The following MRTFA variants were observed in gnomAD, a reference collection of about 807,000 sequenced individuals.
The protein encoded by MRTFA is myocardin related transcription factor A, also known as myocardin-related transcription factor A.
Under a neutral mutation model 83.5 loss-of-function variants are expected in MRTFA, and 20 were observed. That is an observed-to-expected ratio of 0.24 (90% CI 0.17 to 0.35). The LOEUF (loss-of-function observed/expected upper bound fraction) is 0.35. Among genes scored for constraint, MRTFA ranks in the 10% least tolerant of loss-of-function variants. MRTFA has a pLI of 1.00. For missense variants in MRTFA, 1,200 were observed against 1,224.7 expected (o/e 0.98, Z 0.30); for synonymous variants, 659 against 541.2 (o/e 1.22, Z -3.02).
intron 3 of MRTFA, among the ~76,000 whole-genome samples, chr22:40,545,434 T>C (rs1348806700): frequency 3.5e-5 from 5 of 141,582 alleles, no homozygotes; most frequent in Admixed American, 7.1e-5. Flanking sequence ...ACTGAATTCC[T>C]TTTTTTTTTT....
chr22:40,557,924 C>T (rs559629929), intron 2 of MRTFA, among the ~76,000 whole-genome samples: 10 of 152,226 alleles, frequency 6.6e-5, no homozygotes, highest in South Asian at 4.1e-4. Context: ...TAGGCATGCG[C>T]CACCAGGCCC....
chr22:40,594,004 G>A (rs2147382653), intron 2 of MRTFA, among the ~76,000 whole-genome samples: 1 of 152,354 alleles, frequency 6.6e-6, no homozygotes, highest in East Asian at 1.9e-4. Context: ...TTGCAGAGCT[G>A]CGTGAACTGC....
At chr22:40,428,574 C>T (rs375259367) in intron 7 of MRTFA, among the ~76,000 whole-genome samples, 1 of 152,188 alleles carries the variant, frequency 6.6e-6, no homozygotes, top group East Asian at 1.9e-4. Flanking sequence ...AGTGCAGTGG[C>T]ACAATCATAG....
chr22:40,615,632 T>A (rs1357178115), intron 1 of MRTFA, among the ~76,000 whole-genome samples: 1 of 152,150 alleles, frequency 6.6e-6, no homozygotes, highest in Non-Finnish European at 1.5e-5. Flanking sequence ...CTTCTTTAAC[T>A]TCTCTTGGCA....
rs762679692 is a variant in MRTFA at position 40,420,850 on chromosome 22, G to A, written c.1178C>T (p.Pro393Leu). 5 of 1,613,464 alleles carry A rather than the reference G, an allele frequency of 3.1e-6. No homozygotes were observed. Among genetic ancestry groups the A allele is most frequent in the East Asian group, 2.2e-5 (1 of 44,882 alleles). ...GCAGTGAGGAGCGGGTGCCTACTTT[G>A]GCGGGGCAGGCAGGATGGCCTGGTA... The change falls in exon 10 of 15, where the codon CCA (proline) becomes CTA (leucine). Residue 393 changes from proline (P) to leucine (L), a missense_variant. By Grantham distance (98) the Pro-to-Leu change is moderately conservative. Coordinates refer to ENST00000355630, the MANE Select transcript of MRTFA (RefSeq NM_020831.6).
chr22:40,574,046 G>A (rs1035989395), intron 2 of MRTFA, among the ~76,000 whole-genome samples: 2 of 152,024 alleles, frequency 1.3e-5, no homozygotes, highest in Admixed American at 1.3e-4. Context: ...CACTATGACA[G>A]GTCTCTGCAT....
intron 3 of MRTFA, among the ~76,000 whole-genome samples, chr22:40,516,922 T>A (rs1318883592): frequency 6.7e-6 from 1 of 149,132 alleles, no homozygotes; most frequent in Non-Finnish European, 1.5e-5. Flanking sequence ...AATTTTTTTC[T>A]TTTTTTTTTC....
chr22:40,600,054 G>A (rs1047291948), intron 1 of MRTFA, among the ~76,000 whole-genome samples: 1 of 150,198 alleles, frequency 6.7e-6, no homozygotes, highest in East Asian at 1.9e-4. Context: ...CCAGTTAAAG[G>A]AATAAACTGT....
intron 3 of MRTFA, among the ~76,000 whole-genome samples, chr22:40,496,985 T>C (rs1010846427): frequency 3.3e-5 from 5 of 152,186 alleles, no homozygotes; most frequent in Non-Finnish European, 7.4e-5. Context: ...GCTACACCCT[T>C]TGTTTTGTTT....
intron 2 of MRTFA, among the ~76,000 whole-genome samples, chr22:40,584,696 C>CT (rs1310198526): frequency 2.0e-5 from 3 of 147,966 alleles, no homozygotes; most frequent in East Asian, 4.0e-4. Context: ...CACCATTGCA[C>CT]TCCAACCTGG....
chr22:40,624,039 G>A (rs781284686), intron 1 of MRTFA, among the ~76,000 whole-genome samples: 6 of 152,194 alleles, frequency 3.9e-5, no homozygotes, highest in Non-Finnish European at 5.9e-5. Context: ...AGGACATAAA[G>A]GCTGTAGTGA....
chr22:40,460,120 T>G (rs547370471), intron 4 of MRTFA, among the ~76,000 whole-genome samples: 91 of 151,968 alleles, frequency 6.0e-4, no homozygotes, highest in Non-Finnish European at 1.1e-3. Flanking sequence ...AGACGGGGTT[T>G]CACCATGTTA....
At chr22:40,591,696 T>C (rs905607161) in intron 2 of MRTFA, among the ~76,000 whole-genome samples, 4 of 152,176 alleles carry the variant, frequency 2.6e-5, no homozygotes, top group Non-Finnish European at 5.9e-5. Flanking sequence ...AAATTATACC[T>C]CAAAGTTATT....
intron 6 of MRTFA, among the ~76,000 whole-genome samples, chr22:40,430,860 C>CAAAAAAAAAAAAAAAAAAAAAA (rs1171650702): frequency 2.8e-5 from 1 of 35,120 alleles, no homozygotes; most frequent in Non-Finnish European, 5.3e-5. Context: ...GACTCCATCA[C>CAAAAAAAAAAAAAAAAAAAAAA]AAAAAAAAAA....
chr22:40,467,111 A>G (rs1007820088), intron 3 of MRTFA, among the ~76,000 whole-genome samples: 4 of 152,182 alleles, frequency 2.6e-5, no homozygotes, highest in Non-Finnish European at 5.9e-5. Context: ...CCCTCCCAGG[A>G]GTTAACTTTG....
At chr22:40,582,591 A>G (rs921852741) in intron 2 of MRTFA, among the ~76,000 whole-genome samples, 12 of 152,146 alleles carry the variant, frequency 7.9e-5, no homozygotes, top group Middle Eastern at 3.4e-3. Flanking sequence ...TCTTATTCAT[A>G]GTCTAAAAAA....
chr22:40,449,340 A>G (rs2053445533), intron 4 of MRTFA, among the ~76,000 whole-genome samples: 1 of 152,024 alleles, frequency 6.6e-6, no homozygotes, highest in Non-Finnish European at 1.5e-5. Flanking sequence ...TCATGGGGAC[A>G]GGGCAATCTT....
intron 2 of MRTFA, among the ~76,000 whole-genome samples, chr22:40,583,535 G>A (rs1216959789): frequency 6.6e-6 from 1 of 152,284 alleles, no homozygotes; most frequent in African/African-American, 2.4e-5. Flanking sequence ...CTAGGTCAGG[G>A]GTTCCCAACC....
chr22:40,452,887 C>T (rs1228388424), intron 4 of MRTFA, among the ~76,000 whole-genome samples: 1 of 151,822 alleles, frequency 6.6e-6, no homozygotes, highest in Non-Finnish European at 1.5e-5. Context: ...CTTCTTCGGA[C>T]CGAACCATGA....
Sources: gnomAD v4.1 joint callset for allele counts (sites outside exome capture counted in the v4.1 genomes callset) on GRCh38, gnomAD v4.1.1 for gene constraint, MANE v1.5 for transcripts, NCBI Gene and HGNC (gene_info 2026-07-23, HGNC 2026-07-21) for gene names.